SNTG1: variants seen among roughly 807,000 people sequenced by gnomAD.
The protein encoded by SNTG1 is gamma-1-syntrophin.
A neutral mutation model predicts 74.7 loss-of-function variants in SNTG1; 39 were observed. The ratio of observed to expected loss-of-function variants is 0.52; its 90% CI spans 0.40 to 0.68. The LOEUF (loss-of-function observed/expected upper bound fraction) is 0.68. Ranked by LOEUF, SNTG1 falls within the 30% of genes least tolerant of loss-of-function variation. The pLI is 0.00. For synonymous variants in SNTG1, 254 were observed against 217.1 expected (o/e 1.17, Z -1.49); for missense variants, 685 against 609.5 (o/e 1.12, Z -1.30).
chr8:50,107,902 A>C (rs2080441738), intron 1 of SNTG1, among the ~76,000 whole-genome samples: 1 of 152,162 alleles, frequency 6.6e-6, no homozygotes, highest in Non-Finnish European at 1.5e-5. Context: ...TAAGAATGAA[A>C]TGAGAAAATG....
intron 18 of SNTG1, 62 bp from the exon 19 acceptor site, chr8:50,792,609 A>G: frequency 1.4e-6 from 2 of 1,467,712 alleles, no homozygotes; most frequent in East Asian, 2.3e-5. Context: ...AAATCTAGCT[A>G]TTATAAATTT....
rs1455444711 is a variant in SNTG1 at position 50,494,465 on chromosome 8, C to T, written c.364-8313C>T. ...ATACATGATTTTCTACTGGAATCAT[C>T]TCTTCTTTAAGAATTAGGTAAAACT... On this transcript the variant is annotated intron_variant, in intron 8 of 18. Coordinates refer to ENST00000642720, the MANE Select transcript of SNTG1 (RefSeq NM_018967.5). Among the ~76,000 whole-genome samples the T allele has an allele frequency of 3.3e-5, 5 of 151,900 alleles. No homozygotes were observed. The East Asian group carries it at 5.8e-4, about 18-fold the overall frequency.
intron 17 of SNTG1, among the ~76,000 whole-genome samples, chr8:50,719,500 T>G (rs1169607073): frequency 6.6e-6 from 1 of 152,202 alleles, no homozygotes; most frequent in African/African-American, 2.4e-5. Flanking sequence ...TCTATGTTAT[T>G]CAGTCCTGGA....
intron 2 of SNTG1, among the ~76,000 whole-genome samples, chr8:50,254,830 G>A (rs1185827804): frequency 6.9e-6 from 1 of 144,556 alleles, no homozygotes; most frequent in African/African-American, 2.6e-5. Context: ...TCCAGCCTGG[G>A]CGACAGAGCG....
At chr8:50,306,082 G>T (rs11985777) in intron 2 of SNTG1, among the ~76,000 whole-genome samples, 1 of 130,820 alleles carries the variant, frequency 7.6e-6, no homozygotes, top group Admixed American at 8.9e-5. Flanking sequence ...AAAGTCCATT[G>T]TATCACTTTG....
At chr8:50,487,232 T>G (rs1225489562) in intron 8 of SNTG1, among the ~76,000 whole-genome samples, 1 of 152,192 alleles carries the variant, frequency 6.6e-6, no homozygotes, top group Non-Finnish European at 1.5e-5. Context: ...ACTTTTACAC[T>G]GTTGGTGGGA....
intron 2 of SNTG1, among the ~76,000 whole-genome samples, chr8:50,296,055 A>G (rs2089353019): frequency 6.6e-6 from 1 of 152,180 alleles, no homozygotes; most frequent in Non-Finnish European, 1.5e-5. Flanking sequence ...AAAATATTTA[A>G]TATTCAATTT....
intron 4 of SNTG1, among the ~76,000 whole-genome samples, chr8:50,435,183 A>G (rs2093288026): frequency 6.6e-6 from 1 of 152,230 alleles, no homozygotes; most frequent in Admixed American, 6.5e-5. Context: ...AAGTCTTTAT[A>G]CAGTCCGATA....
At chr8:50,048,781 A>G (rs1260527436) in intron 1 of SNTG1, among the ~76,000 whole-genome samples, 1 of 152,122 alleles carries the variant, frequency 6.6e-6, no homozygotes, top group Non-Finnish European at 1.5e-5. Context: ...TGATTTCTTA[A>G]TATTTTACCT....
intron 11 of SNTG1, among the ~76,000 whole-genome samples, chr8:50,539,472 C>T (rs550958226): frequency 1.3e-5 from 2 of 152,148 alleles, no homozygotes; most frequent in Non-Finnish European, 2.9e-5. Context: ...AGAAGCTCAG[C>T]TCCTCAGGGA....
intron 13 of SNTG1, among the ~76,000 whole-genome samples, chr8:50,642,698 G>A (rs2095081501): frequency 6.6e-6 from 1 of 151,998 alleles, no homozygotes; most frequent in African/African-American, 2.4e-5. Flanking sequence ...GTGATGTTAG[G>A]GCAATCGCAG....
At chr8:50,129,074 T>C (rs1396723745) in intron 1 of SNTG1, among the ~76,000 whole-genome samples, 5 of 152,092 alleles carry the variant, frequency 3.3e-5, no homozygotes, top group African/African-American at 1.2e-4. Context: ...TTCTCTAAAA[T>C]TGCATATATC....
chr8:50,672,124 G>A (rs1423720270), intron 15 of SNTG1, among the ~76,000 whole-genome samples: 1 of 151,182 alleles, frequency 6.6e-6, no homozygotes, highest in East Asian at 2.0e-4. Flanking sequence ...CAGCACAGCA[G>A]CATGGCACAT....
chr8:50,026,721 C>T (rs866749020), intron 1 of SNTG1, among the ~76,000 whole-genome samples: 1 of 151,456 alleles, frequency 6.6e-6, no homozygotes, highest in Admixed American at 6.6e-5. Flanking sequence ...GTGTGTGTAT[C>T]CTAAAAATTA....
At position 50,088,695 on chromosome 8, in the gene SNTG1, C is replaced by T. The variant is rs371309172; in HGVS notation, c.-102-83866C>T. On this transcript the variant is annotated intron_variant, in intron 1 of 18. Transcript: ENST00000642720. ...ATAAAATACCTAGGAATCCAACTTA[C>T]AAGGGATGTGAAGGACCTCTTCAAG... 3.6e-5 allele frequency among the ~76,000 whole-genome samples: 5 copies of T among 140,006 alleles called. No individual in the cohort carries two copies. In the East Asian group the frequency reaches 1.1e-3, roughly 29 times the overall value. 91.8% of individuals were successfully genotyped at this position (140,006 alleles called of 152,430 possible).
chr8:50,509,842 T>C (rs1219172233), intron 9 of SNTG1, among the ~76,000 whole-genome samples: 132 of 152,140 alleles, frequency 8.7e-4, no homozygotes, highest in African/African-American at 3.1e-3. Flanking sequence ...TTTCTAAATA[T>C]ACAATCATGT....
chr8:50,089,458 A>C (rs2079627812), intron 1 of SNTG1, among the ~76,000 whole-genome samples: 2 of 151,566 alleles, frequency 1.3e-5, no homozygotes, highest in Admixed American at 1.3e-4. Context: ...CTACCATCAG[A>C]GTGAACAGGC....
chr8:50,364,322 C>T (rs955963245), intron 2 of SNTG1, among the ~76,000 whole-genome samples: 3 of 152,112 alleles, frequency 2.0e-5, no homozygotes, highest in Admixed American at 6.6e-5. Context: ...CTCCTTTCAC[C>T]TTTATCACTC....
chr8:50,318,760 A>G (rs1241909987), intron 2 of SNTG1, among the ~76,000 whole-genome samples: 2 of 152,204 alleles, frequency 1.3e-5, no homozygotes, highest in African/African-American at 2.4e-5. Context: ...TACACATTCT[A>G]TATATGTATA....
Sources: allele counts gnomAD v4.1 joint callset (sites outside exome capture counted in the v4.1 genomes callset), GRCh38; gene constraint gnomAD v4.1.1; transcripts MANE v1.5; gene names NCBI Gene and HGNC (gene_info 2026-07-23, HGNC 2026-07-21).